Variants in UBA6 observed in about 807,000 individuals in gnomAD.
UBA6 encodes ubiquitin-like modifier-activating enzyme 6.
A neutral mutation model predicts 148.3 loss-of-function variants in UBA6; 87 were observed. That is an observed-to-expected ratio of 0.59 (90% CI 0.49 to 0.70). The LOEUF is 0.70. UBA6 is among the 30% of genes least tolerant of loss of function. UBA6 has a pLI of 0.00. For missense variants in UBA6, 1,186 were observed against 1,241.2 expected (o/e 0.96, Z 0.67); for synonymous variants, 376 against 401.0 (o/e 0.94, Z 0.75).
chr4:67,673,740 T>C lies in UBA6; in HGVS notation c.503A>G (p.Lys168Arg). The C allele has an allele frequency of 6.2e-7, 1 of 1,612,442 alleles. No homozygotes were observed. The highest frequency in any genetic ancestry group is 8.5e-7 in the Non-Finnish European group (1 of 1,178,898). Residue 168 changes from lysine to arginine, a missense_variant, in exon 7 of 33, where the codon AAG becomes AGG. Physicochemically the swap from Lys to Arg is conservative, Grantham distance 26. Coordinates refer to ENST00000322244, the MANE Select transcript of UBA6 (RefSeq NM_018227.6). ...VLTEMKLPLQ[K>R]KINDFCRSQC... Reference sequence around the variant, plus strand: ...AGAACGGCAAAAGTCATTGATCTTCTTCTGCAATGGAAGTTTCATCTCAGT... The same window carrying C: ...AGAACGGCAAAAGTCATTGATCTTCCTCTGCAATGGAAGTTTCATCTCAGT...
In UBA6 at chr4:67,637,346, C is replaced by T. The variant is rs577874146; in HGVS notation, c.1736+1597G>A. ...CCAGCCCCCACCTGGCCAGCTGCCC[C>T]GTCCGGGAGGTGGGGGCGCCTCTGC... On this transcript the variant is annotated intron_variant, in intron 19 of 32. Coordinates refer to ENST00000322244, the MANE Select transcript of UBA6 (RefSeq NM_018227.6). Among the ~76,000 whole-genome samples the T allele has an allele frequency of 6.3e-5, 9 of 142,716 alleles. No homozygotes were observed. In the East Asian group the frequency reaches 7.2e-4, roughly 11 times the overall value. 93.6% of individuals were successfully genotyped at this position (142,716 alleles called of 152,430 possible).
At chr4:67,652,604 G>T (rs36077134) in intron 13 of UBA6, among the ~76,000 whole-genome samples, 4,797 of 152,316 alleles carry the variant, frequency 0.031, 105 homozygotes, top group South Asian at 0.048. Context: ...CTCCCAGCGA[G>T]ATCGATGCAG....
chr4:67,662,898 G>T (rs1729899677), intron 12 of UBA6: 3 of 339,572 alleles, frequency 8.8e-6, no homozygotes, highest in African/African-American at 2.1e-5. Flanking sequence ...GTTTTAAGAA[G>T]CTTTAATTTT....
chr4:67,680,395 A>G (rs956779970), intron 4 of UBA6, among the ~76,000 whole-genome samples: 7 of 152,216 alleles, frequency 4.6e-5, no homozygotes, highest in African/African-American at 9.6e-5. Flanking sequence ...TTCTCTGGCT[A>G]TAACTACCAG....
chr4:67,680,972 T>C (rs1045323399), intron 4 of UBA6, among the ~76,000 whole-genome samples: 1 of 152,128 alleles, frequency 6.6e-6, no homozygotes, highest in East Asian at 1.9e-4. Context: ...AAGCAGATCC[T>C]TCCCCAGTCT....
chr4:67,652,848 A>G (rs1729586163), intron 13 of UBA6, among the ~76,000 whole-genome samples: 2 of 152,226 alleles, frequency 1.3e-5, no homozygotes, highest in African/African-American at 4.8e-5. Context: ...TCACCATCTT[A>G]GCAACCGGCA....
intron 18 of UBA6, among the ~76,000 whole-genome samples, chr4:67,640,595 T>C: frequency 6.6e-6 from 1 of 152,212 alleles, no homozygotes; most frequent in East Asian, 1.9e-4. Flanking sequence ...ATTATAGGCA[T>C]GAGCTATTGT....
chr4:67,645,854 C>T (rs1729410505), intron 16 of UBA6, 84 bp downstream of exon 16: 5 of 776,622 alleles, frequency 6.4e-6, no homozygotes, highest in Non-Finnish European at 4.1e-6. Context: ...ACTCTACACA[C>T]TTAGACTCAA....
At chr4:67,635,614 A>G in intron 19 of UBA6, 56 bp from the exon 20 acceptor site, 1 of 1,071,018 alleles carries the variant, frequency 9.3e-7, no homozygotes, top group African/African-American at 1.6e-5. Context: ...CAATGTAACC[A>G]AAGGACAACC....
chr4:67,666,663 C>T (rs1730004702), intron 9 of UBA6, among the ~76,000 whole-genome samples: 1 of 151,930 alleles, frequency 6.6e-6, no homozygotes, highest in Non-Finnish European at 1.5e-5. Flanking sequence ...ATCACCTAAG[C>T]CCTGGAGTTC....
At chr4:67,650,680 C>G (rs1018536984) in intron 13 of UBA6, among the ~76,000 whole-genome samples, 10 of 152,092 alleles carry the variant, frequency 6.6e-5, no homozygotes, top group African/African-American at 1.9e-4. Flanking sequence ...CAATCTCGGA[C>G]AGAGAGCAGA....
At chr4:67,659,861 A>G (rs1447915047) in intron 13 of UBA6, among the ~76,000 whole-genome samples, 4 of 152,176 alleles carry the variant, frequency 2.6e-5, no homozygotes, top group African/African-American at 4.8e-5. Context: ...TGGACAATGA[A>G]GTCCAGCCTG....
At chr4:67,619,318 T>C (rs549264949) in intron 32 of UBA6, among the ~76,000 whole-genome samples, 186 bp from the exon 33 acceptor site, 1 of 152,330 alleles carries the variant, frequency 6.6e-6, no homozygotes, top group Non-Finnish European at 1.5e-5. Flanking sequence ...AAGACACTCA[T>C]TTACCTAACA....
At chr4:67,648,957 C>A in intron 14 of UBA6, 111 bp downstream of exon 14, 1 of 1,101,184 alleles carries the variant, frequency 9.1e-7, no homozygotes. Flanking sequence ...CTCTTTCATG[C>A]ATCAAAAAGT....
intron 19 of UBA6, chr4:67,638,045 T>C (rs944013751): frequency 3.3e-5 from 5 of 151,606 alleles, no homozygotes; most frequent in Non-Finnish European, 4.4e-5. Flanking sequence ...AGATTAGAGA[T>C]CAGGAATGTT....
chr4:67,641,847 A>C (rs1354704095), intron 17 of UBA6, among the ~76,000 whole-genome samples: 3 of 152,148 alleles, frequency 2.0e-5, no homozygotes, highest in Admixed American at 2.0e-4. Flanking sequence ...GTGTCCTTTA[A>C]GAAAAAGTCT....
At chr4:67,636,932 C>T (rs1201717324) in intron 19 of UBA6, among the ~76,000 whole-genome samples, 10 of 151,530 alleles carry the variant, frequency 6.6e-5, no homozygotes, top group Admixed American at 1.3e-4. Flanking sequence ...GCCGCCATCC[C>T]GTCTAGGAAG....
chr4:67,678,554 T>C (rs1370224617), intron 4 of UBA6, 21 bp from the exon 5 acceptor site: 8 of 1,481,504 alleles, frequency 5.4e-6, no homozygotes, highest in Non-Finnish European at 7.5e-6. Context: ...GAAAAAAGTA[T>C]TGGTTGAAGT....
At chr4:67,626,553 C>A in intron 27 of UBA6, 76 bp from the exon 28 acceptor site, 1 of 889,524 alleles carries the variant, frequency 1.1e-6, no homozygotes, top group East Asian at 2.7e-5. Context: ...ACTGTTTTAT[C>A]AAATTACAAA....
Sources: gnomAD v4.1 joint callset for allele counts (sites outside exome capture counted in the v4.1 genomes callset) on GRCh38, gnomAD v4.1.1 for gene constraint, MANE v1.5 for transcripts, NCBI Gene and HGNC (gene_info 2026-07-23, HGNC 2026-07-21) for gene names.